MGAT5B: variants seen among roughly 807,000 people sequenced by gnomAD.
MGAT5B encodes the protein alpha-1,6-mannosylglycoprotein 6-beta-N-acetylglucosaminyltransferase B, also known as N-acetylglucosaminyl-transferase Vb.
MGAT5B carries 54 observed loss-of-function variants against 95.1 expected under a neutral mutation model. The ratio of observed to expected loss-of-function variants is 0.57; its 90% CI spans 0.46 to 0.71. MGAT5B has a LOEUF of 0.71. MGAT5B is among the 30% of genes least tolerant of loss of function. The pLI, the probability that MGAT5B is intolerant of heterozygous loss-of-function variation, is 0.00. For synonymous variants in MGAT5B, 464 were observed against 451.0 expected (o/e 1.03, Z -0.36); for missense variants, 935 against 1,088.6 (o/e 0.86, Z 1.99).
rs539257611 is a variant in MGAT5B, at chr17:76,903,314, C to T, written c.457C>T (p.Arg153Trp). ...ACCTCTCCCTACAGTGTCAGAAGGC[C>T]GGCGGGACCAGTGTGAGGCACCCAG... ...LLLHSKVSEG[R>W]RDQCEAPSDP... Residue 153 changes from arginine to tryptophan, a missense_variant, in exon 5 of 18, where the codon CGG becomes TGG. Transcript: ENST00000569840. 49 of 1,610,492 alleles carry T rather than the reference C, an allele frequency of 3.0e-5. No individual in the cohort carries two copies. The South Asian group carries it at 4.2e-4, about 14-fold the overall frequency.
At chr17:76,927,546 T>G (rs1310651859) in intron 10 of MGAT5B, among the ~76,000 whole-genome samples, 1 of 152,226 alleles carries the variant, frequency 6.6e-6, no homozygotes, top group Non-Finnish European at 1.5e-5. Context: ...GGGTTTCAGC[T>G]GTTTTTAATG....
At position 76,869,855 on chromosome 17, in the gene MGAT5B, A is replaced by G. The variant is rs1254626862; in HGVS notation, c.68+758A>G. 2.0e-5 allele frequency among the ~76,000 whole-genome samples: 3 copies of G among 151,962 alleles called. 1 individual carries two copies. In the East Asian group the frequency reaches 5.8e-4, roughly 29 times the overall value. On this transcript the variant is annotated intron_variant, in intron 1 of 17. Transcript: ENST00000569840. This position sits in a 1 kb window ranked among gnomAD's most constrained non-coding sequence, Gnocchi z 7.0. ...GCAGGGCTGGGGCCGCGCGGGACTC[A>G]CTGGACCCAGCCAGGGGCCCCCAGG...
At chr17:76,900,192 C>T (rs1046943753) in intron 3 of MGAT5B, among the ~76,000 whole-genome samples, 5 of 152,070 alleles carry the variant, frequency 3.3e-5, no homozygotes, top group Non-Finnish European at 7.4e-5. Flanking sequence ...TGGTAATGAA[C>T]CTTGATGAGT....
intron 8 of MGAT5B, among the ~76,000 whole-genome samples, chr17:76,921,980 C>G (rs576235959): frequency 6.6e-6 from 1 of 152,152 alleles, no homozygotes; most frequent in Non-Finnish European, 1.5e-5. Context: ...GTGTCCAAAA[C>G]GTTAGCCTTG....
intron 3 of MGAT5B, among the ~76,000 whole-genome samples, chr17:76,891,165 A>T (rs935393820): frequency 4.0e-5 from 6 of 151,112 alleles, no homozygotes. Context: ...GGGTTTCACC[A>T]TGTTGGACAG....
intron 3 of MGAT5B, among the ~76,000 whole-genome samples, chr17:76,893,464 G>T (rs1967954852): frequency 6.6e-6 from 1 of 152,158 alleles, no homozygotes; most frequent in Non-Finnish European, 1.5e-5. Flanking sequence ...AGCTCACCTG[G>T]GTTCACAGCC....
In MGAT5B at chr17:76,868,912, C is replaced by A; in HGVS notation, c.-118C>A. The A allele has an allele frequency of 1.1e-6, 1 of 944,440 alleles. No homozygotes were observed. The highest frequency in any genetic ancestry group is 1.6e-6 in the Non-Finnish European group (1 of 639,420). The allele number at this position is 944,440 out of a possible 1,614,324, so 58.5% of individuals were successfully genotyped here. On this transcript the variant is annotated 5_prime_UTR_variant, in exon 1 of 18. Transcript: ENST00000569840. This position sits in a 1 kb window ranked among gnomAD's most constrained non-coding sequence, Gnocchi z 6.3. ...AGGCCACCGGGCCGCGCGCTCCCAG[C>A]TTCGCTCGGACGCGGCTTCGGCCCG...
intron 1 of MGAT5B, chr17:76,872,564 C>G: frequency 8.7e-7 from 1 of 1,154,306 alleles, no homozygotes; most frequent in African/African-American, 1.6e-5. Context: ...GTTAATGAAC[C>G]AGCTCTGCCT....
rs766754219 is a variant in MGAT5B at position 76,915,572 on chromosome 17, A to G, written c.1025+9385A>G. Reference sequence around the variant, plus strand: ...ATGTTAAGGCTTGATGAGGCTGGGAAGTGGGCGCATTGGAGCATTATATGA... The same window carrying G: ...ATGTTAAGGCTTGATGAGGCTGGGAGGTGGGCGCATTGGAGCATTATATGA... On this transcript the variant is annotated intron_variant, in intron 8 of 17. Transcript: ENST00000569840. This position sits in a 1 kb window ranked among gnomAD's most constrained non-coding sequence, Gnocchi z 8.7. Among the ~76,000 whole-genome samples the G allele has an allele frequency of 6.6e-6, 1 of 152,172 alleles. No individual in the cohort carries two copies. The highest frequency in any genetic ancestry group is 1.5e-5 in the Non-Finnish European group (1 of 68,034).
intron 3 of MGAT5B, among the ~76,000 whole-genome samples, chr17:76,887,529 C>CCCTT (rs772711057): frequency 4.7e-5 from 3 of 64,322 alleles, no homozygotes; most frequent in East Asian, 1.3e-3. Context: ...CTCCCTCCCT[C>CCCTT]CCTTCCTTCC....
At chr17:76,937,499 G>A (rs968025059) in intron 12 of MGAT5B, among the ~76,000 whole-genome samples, 4 of 152,032 alleles carry the variant, frequency 2.6e-5, no homozygotes, top group Non-Finnish European at 5.9e-5. Context: ...TTATGGGCAG[G>A]TGGACAAATG....
At chr17:76,871,749 A>G (rs1159363282) in intron 1 of MGAT5B, among the ~76,000 whole-genome samples, 1 of 152,020 alleles carries the variant, frequency 6.6e-6, no homozygotes, top group Non-Finnish European at 1.5e-5. Context: ...GACTCCACAC[A>G]AGATGGGGTT....
In MGAT5B at chr17:76,924,894, C is replaced by CTA. The variant is rs1969248802; in HGVS notation, c.1026-71_1026-70dup. 3.2e-6 allele frequency: 5 copies of CTA among 1,574,616 alleles called. No individual in the cohort carries two copies. The South Asian group carries it at 5.7e-5, about 18-fold the overall frequency. On this transcript the variant is annotated intron_variant, in intron 8 of 17. Transcript: ENST00000569840. ...GCACTTGTACAGTTCATTCTGGGCT[C>CTA]TAAGGAACTGGGGTGGCCGGTTGGG...
intron 2 of MGAT5B, among the ~76,000 whole-genome samples, chr17:76,875,653 CTTTT>C (rs547158669): frequency 2.2e-4 from 15 of 67,096 alleles, no homozygotes; most frequent in Non-Finnish European, 3.9e-4. Context: ...GTCACTTGCA[CTTTT>C]TTTTTTTTTT....
At chr17:76,919,746 TGTA>T (rs1288534935) in intron 8 of MGAT5B, among the ~76,000 whole-genome samples, 1 of 152,222 alleles carries the variant, frequency 6.6e-6, no homozygotes, top group Non-Finnish European at 1.5e-5. Context: ...TTTACAAACT[TGTA>T]GTAAGATGCA....
At chr17:76,893,462 T>G (rs374353138) in intron 3 of MGAT5B, among the ~76,000 whole-genome samples, 1 of 152,210 alleles carries the variant, frequency 6.6e-6, no homozygotes, top group Non-Finnish European at 1.5e-5. Context: ...CAAGCTCACC[T>G]GGGTTCACAG....
Position 76,912,422 on chromosome 17 carries a change from T to A in MGAT5B, c.1025+6235T>A, listed in dbSNP as rs79364008. ...AAAACAGGTCAATGGGATGTGAAGGTAATCTGAATTCTGAGTGTCTCAGCT... is the reference window on the plus strand; with the variant it reads ...AAAACAGGTCAATGGGATGTGAAGGAAATCTGAATTCTGAGTGTCTCAGCT... On this transcript the variant is annotated intron_variant, in intron 8 of 17. Transcript: ENST00000569840. The surrounding 1 kb of genome is among the most constrained non-coding windows in gnomAD (Gnocchi z 5.0). Among the ~76,000 whole-genome samples the A allele has an allele frequency of 6.6e-6, 1 of 152,268 alleles. No homozygotes were observed. The highest frequency in any genetic ancestry group is 1.5e-5 in the Non-Finnish European group (1 of 68,004).
intron 3 of MGAT5B, among the ~76,000 whole-genome samples, chr17:76,891,703 C>A (rs974614507): frequency 1.2e-4 from 18 of 152,142 alleles, no homozygotes; most frequent in Non-Finnish European, 7.3e-5. Flanking sequence ...TCGCAATATA[C>A]AAATTTTGTG....
At chr17:76,896,860 C>T (rs1468094995) in intron 3 of MGAT5B, among the ~76,000 whole-genome samples, 3 of 152,052 alleles carry the variant, frequency 2.0e-5, no homozygotes, top group Non-Finnish European at 4.4e-5. Context: ...GCAAGAGCAA[C>T]GTGGTTGCTG....
Sources: allele counts gnomAD v4.1 joint callset (sites outside exome capture counted in the v4.1 genomes callset), GRCh38; gene constraint gnomAD v4.1.1; non-coding constraint Gnocchi (gnomAD v3.1); transcripts MANE v1.5; gene names NCBI Gene and HGNC (gene_info 2026-07-23, HGNC 2026-07-21).